BNIP3: variants seen among roughly 807,000 people sequenced by gnomAD.
The protein encoded by BNIP3 is BCL2 interacting protein 3.
In BNIP3, 16 loss-of-function variants were observed where a neutral mutation model predicts 23.9. That is an observed-to-expected ratio of 0.67 (90% CI 0.45 to 1.01). The LOEUF (loss-of-function observed/expected upper bound fraction) is 1.01, where lower values mean the gene tolerates loss of function less well. BNIP3 is among the 50% of genes least tolerant of loss of function. The pLI is 0.00. For missense variants in BNIP3, 198 were observed against 248.7 expected (o/e 0.80, Z 1.37); for synonymous variants, 81 against 89.3 (o/e 0.91, Z 0.53).
rs114863385 is a variant in BNIP3 at position 131,970,209 on chromosome 10, T to C, written c.539+429A>G. On this transcript the variant is annotated intron_variant, in intron 5 of 5. Transcript: ENST00000368636. This position sits in a 1 kb window ranked among gnomAD's most constrained non-coding sequence, Gnocchi z 4.1. ...GTCGGAGACTGCATTGGTTCCTTCA[T>C]TGCTGAGAGTTACTAGAACAACAGT... is the stretch of plus-strand genomic sequence containing the variant. 714 of 178,310 alleles carry C rather than the reference T, an allele frequency of 4.0e-3. 8 individuals carry two copies. The highest frequency in any genetic ancestry group is 0.015 in the African/African-American group (633 of 41,972). The allele number at this position is 178,310 out of a possible 1,614,324, so 11.0% of individuals were successfully genotyped here. A position where few individuals can be genotyped will look rare whatever the true frequency, so the allele number is the denominator to read the frequency against.
chr10:131,973,870 A>G lies in BNIP3; in HGVS notation c.120T>C (p.Asn40=). 2 of 1,613,170 alleles carry G rather than the reference A, an allele frequency of 1.2e-6. No individual in the cohort carries two copies. Among genetic ancestry groups the G allele is most frequent in the Non-Finnish European group, 1.7e-6 (2 of 1,180,030 alleles). Residue 40 remains asparagine, a synonymous_variant, in exon 2 of 6, where the codon AAT becomes AAC. Transcript: ENST00000368636. Reference sequence around the variant, plus strand: ...CCAGCAGTATTTTTTCCATGTCTCCATTATAAATAGAAACCGAGGCTGGAA... The same window carrying G: ...CCAGCAGTATTTTTTCCATGTCTCCGTTATAAATAGAAACCGAGGCTGGAA... ...GSVPASVSIY[N]GDMEKILLDA...
chr10:131,973,209 C>T (rs1417186821), intron 2 of BNIP3, 91 bp from the exon 3 acceptor site: 11 of 1,296,520 alleles, frequency 8.5e-6, no homozygotes, highest in South Asian at 8.3e-5. Flanking sequence ...GAACCGCCTC[C>T]GTGATGAGGG....
intron 1 of BNIP3, 83 bp from the exon 2 acceptor site, chr10:131,974,026 T>C: frequency 6.4e-7 from 1 of 1,558,574 alleles, no homozygotes. Context: ...AGCCTGCCCT[T>C]CCATTTCCAA....
intron 2 of BNIP3, 138 bp downstream of exon 2, chr10:131,973,655 G>C: frequency 8.4e-7 from 1 of 1,186,700 alleles, no homozygotes; most frequent in Non-Finnish European, 1.2e-6. Context: ...ACGGACTGCA[G>C]CAGGAGCCAG....
intron 3 of BNIP3, among the ~76,000 whole-genome samples, chr10:131,972,616 C>T (rs1052326168): frequency 1.3e-5 from 2 of 152,196 alleles, no homozygotes; most frequent in African/African-American, 4.8e-5. Context: ...TCCCACACAG[C>T]ATGCAAATAT....
intron 2 of BNIP3, chr10:131,973,434 C>A: frequency 2.2e-6 from 1 of 462,952 alleles, no homozygotes; most frequent in South Asian, 2.6e-5. Flanking sequence ...CCTTTGACCA[C>A]TGTCGGCCAC....
chr10:131,980,594 TA>T (rs34669061), intron 1 of BNIP3: 74 of 137,220 alleles, frequency 5.4e-4, no homozygotes, highest in Non-Finnish European at 5.2e-4. Context: ...AAAAAAAAGG[TA>T]AAAAAAAAAA....
At chr10:131,974,709 G>A (rs1313209455) in intron 1 of BNIP3, among the ~76,000 whole-genome samples, 2 of 152,212 alleles carry the variant, frequency 1.3e-5, no homozygotes, top group Non-Finnish European at 2.9e-5. Flanking sequence ...GGCTTACTTT[G>A]CATTTATATA....
At chr10:131,972,042 C>T (rs45555834) in intron 3 of BNIP3, among the ~76,000 whole-genome samples, 1 of 143,004 alleles carries the variant, frequency 7.0e-6, no homozygotes, top group Non-Finnish European at 1.5e-5. Context: ...GAAAACACAT[C>T]GCGCATCTCA....
At chr10:131,973,489 C>T (rs45562439) in intron 2 of BNIP3, 6,151 of 481,206 alleles carry the variant, frequency 0.013, 54 homozygotes, top group Admixed American at 0.02. Flanking sequence ...AGGGACCGCT[C>T]CTCCTGCGAC....
At chr10:131,980,053 C>T (rs1323729509) in intron 1 of BNIP3, among the ~76,000 whole-genome samples, 1 of 152,252 alleles carries the variant, frequency 6.6e-6, no homozygotes. Context: ...CCCAAGGAAT[C>T]GCCTACATGG....
At chr10:131,981,471 C>G (rs892150572) in intron 1 of BNIP3, 3 of 414,552 alleles carry the variant, frequency 7.2e-6, no homozygotes, top group Admixed American at 4.5e-5. Context: ...GGAATTCTAG[C>G]TCGCGCGGAG....
intron 5 of BNIP3, chr10:131,969,072 C>T (rs923992493): frequency 6.4e-6 from 1 of 156,134 alleles, no homozygotes; most frequent in African/African-American, 2.4e-5. Context: ...GGGCATCACT[C>T]CCGGAGGGAG....
Position 131,970,903 on chromosome 10 carries a change from ATCCAATCTGAGTTTT to A in BNIP3, c.335_349del (p.Lys112_Trp116del). ...TTCCGGCCGACTTGACCAATCCCATATCCAATCTGAGTTTTTCTTCAAGATGCTTTCAACTTCTTT... is the reference window on the plus strand; with the variant it reads ...TTCCGGCCGACTTGACCAATCCCATATCTTCAAGATGCTTTCAACTTCTTT... On this transcript the variant is annotated inframe_deletion, in exon 4 of 6. Transcript: ENST00000368636. The surrounding 1 kb of genome is among the most constrained non-coding windows in gnomAD (Gnocchi z 4.1). 1.2e-6 allele frequency: 2 copies of A among 1,614,152 alleles called. No individual in the cohort carries two copies. The highest frequency in any genetic ancestry group is 1.7e-6 in the Non-Finnish European group (2 of 1,180,036).
In BNIP3 at chr10:131,968,555, C is replaced by T; in HGVS notation, c.554G>A (p.Arg185Lys). ...LAIGLGIYIG[R>K]RLTTSTSTF ...GGTGCTGGTGGAGGTTGTCAGACGC[C>T]TTCCAATATAGATCCTTCACAGAAA... is the stretch of plus-strand genomic sequence containing the variant. Residue 185 changes from arginine to lysine, a missense_variant, in exon 6 of 6, where the codon AGG becomes AAG. By Grantham distance (26) the Arg-to-Lys change is conservative. Transcript: ENST00000368636. The T allele has an allele frequency of 6.2e-7, 1 of 1,602,062 alleles. No homozygotes were observed. The highest frequency in any genetic ancestry group is 8.6e-7 in the Non-Finnish European group (1 of 1,169,524).
rs200919290 is a variant in BNIP3 at position 131,968,589 on chromosome 10, G to T, written c.540-20C>A. ...TAGATCCTTCACAGAAAAATTATCA[G>T]TAGTTAATGTATCTTGTGATTCACA... On this transcript the variant is annotated intron_variant, in intron 5 of 5. Transcript: ENST00000368636. 9 of 1,571,892 alleles carry T rather than the reference G, an allele frequency of 5.7e-6. No homozygotes were observed. The highest frequency in any genetic ancestry group is 3.5e-6 in the Non-Finnish European group (4 of 1,142,730).
intron 1 of BNIP3, chr10:131,980,137 C>G (rs2133696867): frequency 6.6e-6 from 1 of 152,426 alleles, no homozygotes; most frequent in African/African-American, 2.4e-5. Flanking sequence ...AACTCCGGCG[C>G]TGGCCGCCTT....
At position 131,970,506 on chromosome 10, in the gene BNIP3, G is replaced by C; in HGVS notation, c.539+132C>G. On this transcript the variant is annotated intron_variant, in intron 5 of 5. Transcript: ENST00000368636. This position sits in a 1 kb window ranked among gnomAD's most constrained non-coding sequence, Gnocchi z 4.1. Reference sequence around the variant, plus strand: ...TTCTGGACCTGAACAGTGACTACGTGGGTGTTTGTGAAAATGCACCAAGCT... The same window carrying C: ...TTCTGGACCTGAACAGTGACTACGTCGGTGTTTGTGAAAATGCACCAAGCT... 7.7e-7 allele frequency: 1 copy of C among 1,290,914 alleles called. No homozygotes were observed. Among genetic ancestry groups the C allele is most frequent in the African/African-American group, 1.5e-5 (1 of 67,146 alleles). 80.0% of individuals were successfully genotyped at this position (1,290,914 alleles called of 1,614,324 possible).
chr10:131,971,087 G>C, intron 3 of BNIP3, 117 bp from the exon 4 acceptor site: 1 of 926,848 alleles, frequency 1.1e-6, no homozygotes, highest in Non-Finnish European at 1.7e-6. Context: ...AGAGGCACAT[G>C]TCAGTGCCTC....
Sources: gnomAD v4.1 joint callset for allele counts (sites outside exome capture counted in the v4.1 genomes callset) on GRCh38, gnomAD v4.1.1 for gene constraint, Gnocchi (gnomAD v3.1) non-coding constraint, MANE v1.5 for transcripts, NCBI Gene and HGNC (gene_info 2026-07-23, HGNC 2026-07-21) for gene names.